The following CACNA1B variants were observed in gnomAD, a reference collection of about 807,000 sequenced individuals.
CACNA1B encodes voltage-dependent N-type calcium channel subunit alpha-1B.
In CACNA1B, 70 loss-of-function variants were observed where a neutral mutation model predicts 247.2. The ratio of observed to expected loss-of-function variants is 0.28; its 90% CI spans 0.23 to 0.35. The LOEUF is 0.35. Ranked by LOEUF, CACNA1B falls within the 10% of genes least tolerant of loss-of-function variation. The probability of loss-of-function intolerance (pLI) is 1.00; values close to 1 mark genes in which losing one functional copy is unlikely to be tolerated. For synonymous variants in CACNA1B, 1,231 were observed against 1,294.4 expected, an observed-to-expected ratio of 0.95 and a Z score of 1.05; for missense variants, 2,367 against 3,197.4, an observed-to-expected ratio of 0.74 and a Z score of 6.26.
intron 15 of CACNA1B, among the ~76,000 whole-genome samples, chr9:138,003,080 G>A (rs1958600031): frequency 6.6e-6 from 1 of 151,626 alleles, no homozygotes; most frequent in South Asian, 2.1e-4. Context: ...ACAAACGTGA[G>A]CCACTGTGCC....
chr9:138,085,606 G>A (rs1960669129), intron 36 of CACNA1B, among the ~76,000 whole-genome samples: 1 of 151,138 alleles, frequency 6.6e-6, no homozygotes, highest in Admixed American at 6.6e-5. Context: ...AAAAGTCAAA[G>A]AGAAGAGAAA....
chr9:137,958,334 C>T (rs1957972953), intron 10 of CACNA1B, among the ~76,000 whole-genome samples: 1 of 152,230 alleles, frequency 6.6e-6, no homozygotes, highest in African/African-American at 2.4e-5. Context: ...TTCCCTATTT[C>T]TCCATGCTCA....
intron 31 of CACNA1B, among the ~76,000 whole-genome samples, chr9:138,063,899 G>A (rs1261655936): frequency 2.6e-5 from 4 of 152,166 alleles, no homozygotes; most frequent in South Asian, 4.1e-4. Context: ...ATAATGTACC[G>A]TTTTGGCTGG....
At chr9:138,112,711 G>A (rs573074871) in intron 40 of CACNA1B, among the ~76,000 whole-genome samples, 1 of 152,334 alleles carries the variant, frequency 6.6e-6, no homozygotes, top group Admixed American at 6.5e-5. Flanking sequence ...GGTTTGTTGT[G>A]TTGAGCTCCT....
At position 138,054,045 on chromosome 9, in the gene CACNA1B, C is replaced by T. The variant is rs1182520144; in HGVS notation, c.3968+39C>T. On this transcript the variant is annotated intron_variant, in intron 26 of 46. Transcript: ENST00000371372. This position sits in a 1 kb window ranked among gnomAD's most constrained non-coding sequence, Gnocchi z 4.6. ...GGGTGCAAGGTGGGACACACAGCCC[C>T]ATGATGCAGACAACACTGGGAGTTC... 1 of 1,596,430 alleles carries T rather than the reference C, an allele frequency of 6.3e-7. No homozygotes were observed. Among genetic ancestry groups the T allele is most frequent in the Admixed American group, 1.7e-5 (1 of 59,928 alleles).
intron 3 of CACNA1B, among the ~76,000 whole-genome samples, chr9:137,892,994 G>A (rs987004571): frequency 2.6e-5 from 4 of 152,318 alleles, no homozygotes; most frequent in African/African-American, 7.2e-5. Flanking sequence ...GAGGGGGGCC[G>A]CCATGGCACT....
chr9:138,008,847 C>T (rs1958687547), intron 16 of CACNA1B, among the ~76,000 whole-genome samples: 1 of 152,352 alleles, frequency 6.6e-6, no homozygotes, highest in East Asian at 1.9e-4. Flanking sequence ...CTGATGGCCT[C>T]AAGTGGACGG....
rs140845472 is a variant in CACNA1B, at chr9:138,020,505, G to C, written c.2268-2506G>C. ...AGGCTGACTTAAGACACCATGCAGA[G>C]AGGCCCGGCACGCAGATTCAGAGAC... On this transcript the variant is annotated intron_variant, in intron 18 of 46. Coordinates refer to ENST00000371372, the MANE Select transcript of CACNA1B (RefSeq NM_000718.4). This position sits in a 1 kb window ranked among gnomAD's most constrained non-coding sequence, Gnocchi z 4.1. 3.3e-4 allele frequency among the ~76,000 whole-genome samples: 50 copies of C among 152,314 alleles called. No homozygotes were observed. The East Asian group carries it at 9.4e-3, about 29-fold the overall frequency.
intron 16 of CACNA1B, among the ~76,000 whole-genome samples, chr9:138,008,090 G>A (rs1958677065): frequency 6.6e-6 from 1 of 152,202 alleles, no homozygotes; most frequent in Non-Finnish European, 1.5e-5. Flanking sequence ...TTGAGTGTGT[G>A]TGAGCCTAGG....
At chr9:137,943,882 G>A (rs937320782) in intron 6 of CACNA1B, among the ~76,000 whole-genome samples, 7 of 152,204 alleles carry the variant, frequency 4.6e-5, no homozygotes. Flanking sequence ...CCTGGTTGCA[G>A]GCACAGTCAT....
chr9:138,081,551 A>G (rs1960523539), intron 36 of CACNA1B, among the ~76,000 whole-genome samples: 1 of 144,560 alleles, frequency 6.9e-6, no homozygotes, highest in Non-Finnish European at 1.5e-5. Flanking sequence ...TGGTTCCATT[A>G]ATTGGAATAG....
chr9:137,905,930 T>C (rs973861538), intron 3 of CACNA1B, among the ~76,000 whole-genome samples: 3 of 152,196 alleles, frequency 2.0e-5, no homozygotes, highest in Non-Finnish European at 2.9e-5. Flanking sequence ...GGCTGCCTCA[T>C]CACATTTGCT....
In CACNA1B at chr9:138,012,162, G is replaced by A. The variant is rs752357678; in HGVS notation, c.2161-967G>A. On this transcript the variant is annotated intron_variant, in intron 17 of 46. Transcript: ENST00000371372. This position sits in a 1 kb window ranked among gnomAD's most constrained non-coding sequence, Gnocchi z 4.2. ...GCACTGCAAGTGGTCACCCAGGAGTGGGGGAGACAGGGAGAGGCTTCTGAC... is the reference window on the plus strand; with the variant it reads ...GCACTGCAAGTGGTCACCCAGGAGTAGGGGAGACAGGGAGAGGCTTCTGAC... 2.6e-5 allele frequency among the ~76,000 whole-genome samples: 4 copies of A among 152,220 alleles called. No individual in the cohort carries two copies. The highest frequency in any genetic ancestry group is 5.9e-5 in the Non-Finnish European group (4 of 68,040).
intron 15 of CACNA1B, among the ~76,000 whole-genome samples, chr9:138,001,260 T>C (rs1020913919): frequency 6.7e-6 from 1 of 149,102 alleles, no homozygotes; most frequent in Non-Finnish European, 1.5e-5. Flanking sequence ...AAAGTCATAC[T>C]AAGAATTGAC....
chr9:137,946,236 G>T (rs934845980), intron 6 of CACNA1B, among the ~76,000 whole-genome samples: 1 of 152,050 alleles, frequency 6.6e-6, no homozygotes, highest in African/African-American at 2.4e-5. Context: ...CATAGCTAGG[G>T]GGCTAAGTGG....
chr9:137,984,191 C>T lies in CACNA1B; in HGVS notation c.1710C>T (p.Ser570=), dbSNP rs1958327468. ...EVVWAAIKPG[S]SFGISVLRAL... ...TCTGGGCGGCCATCAAGCCGGGAAG[C>T]TCCTTTGGGATCAGTGTGCTGCGGG... Residue 570 remains serine, a synonymous_variant, in exon 13 of 47, where the codon AGC becomes AGT. Transcript: ENST00000371372. 4 of 1,605,522 alleles carry T rather than the reference C, an allele frequency of 2.5e-6. No individual in the cohort carries two copies. Among genetic ancestry groups the T allele is most frequent in the Non-Finnish European group, 3.4e-6 (4 of 1,176,376 alleles).
intron 13 of CACNA1B, among the ~76,000 whole-genome samples, chr9:137,985,799 C>A (rs1017303702): frequency 9.2e-5 from 14 of 152,218 alleles, no homozygotes; most frequent in African/African-American, 3.1e-4. Flanking sequence ...GGGACCCGTG[C>A]ATGAGCAGGG....
At position 138,052,303 on chromosome 9, in the gene CACNA1B, CCCCT is replaced by C; in HGVS notation, c.3807+116_3807+119del. 1 of 642,328 alleles carries C rather than the reference CCCCT, an allele frequency of 1.6e-6. No homozygotes were observed. Among genetic ancestry groups the C allele is most frequent in the South Asian group, 1.8e-5 (1 of 56,562 alleles). 39.8% of individuals were successfully genotyped at this position (642,328 alleles called of 1,614,324 possible). On this transcript the variant is annotated intron_variant, in intron 25 of 46. Coordinates refer to ENST00000371372, the MANE Select transcript of CACNA1B (RefSeq NM_000718.4). The surrounding 1 kb of genome is among the most constrained non-coding windows in gnomAD (Gnocchi z 5.1). ...TGAGTGTGTGTGTGTTCACATCACA[CCCCT>C]GTGTGAGGGGGTTGGGCTCACTCAG...
In CACNA1B at chr9:137,974,159, A is replaced by G. The variant is rs1958190407; in HGVS notation, c.1544-1748A>G. ...GCTGGGGTGCTCTGCACTGGACTGC[A>G]GGGGTCACGGCTTTCCTGCCACATC... On this transcript the variant is annotated intron_variant, in intron 11 of 46. Transcript: ENST00000371372. This position sits in a 1 kb window ranked among gnomAD's most constrained non-coding sequence, Gnocchi z 4.5. Among the ~76,000 whole-genome samples, 1 of 152,230 alleles carries G rather than the reference A, an allele frequency of 6.6e-6. No homozygotes were observed. The highest frequency in any genetic ancestry group is 2.1e-4 in the South Asian group (1 of 4,822).
Sources: allele counts gnomAD v4.1 joint callset (sites outside exome capture counted in the v4.1 genomes callset), GRCh38; gene constraint gnomAD v4.1.1; non-coding constraint Gnocchi (gnomAD v3.1); transcripts MANE v1.5; gene names NCBI Gene and HGNC (gene_info 2026-07-23, HGNC 2026-07-21).